STXBP4: variants seen among roughly 807,000 people sequenced by gnomAD.
STXBP4 encodes the protein syntaxin binding protein 4, also known as syntaxin-binding protein 4.
Under a neutral mutation model 76.1 loss-of-function variants are expected in STXBP4, and 55 were observed. The ratio of observed to expected loss-of-function variants is 0.72; its 90% CI spans 0.58 to 0.91. The LOEUF is 0.91. Among genes scored for constraint, STXBP4 ranks in the 40% least tolerant of loss-of-function variants. The probability of loss-of-function intolerance (pLI) is 0.00; values close to 1 mark genes in which losing one functional copy is unlikely to be tolerated. For missense variants in STXBP4, 618 were observed against 636.9 expected (o/e 0.97, Z 0.32); for synonymous variants, 201 against 220.2 (o/e 0.91, Z 0.77).
At position 55,162,076 on chromosome 17, in the gene STXBP4, C is replaced by G. The variant is rs1381907592; in HGVS notation, c.*2165C>G. On this transcript the variant is annotated 3_prime_UTR_variant, in exon 18 of 18. Coordinates refer to ENST00000376352, the MANE Select transcript of STXBP4 (RefSeq NM_178509.6). ...CCAGGAGAAAATGGAAACACTATCC[C>G]AGCAATCTGAATTCCTTACTTGGGG... 3 of 152,170 alleles carry G rather than the reference C, an allele frequency of 2.0e-5. No individual in the cohort carries two copies. The highest frequency in any genetic ancestry group is 4.4e-5 in the Non-Finnish European group (3 of 68,038). The allele number at this position is 152,170 out of a possible 1,614,324, so 9.4% of individuals were successfully genotyped here.
chr17:55,123,885 C>T (rs1300665558), intron 16 of STXBP4, among the ~76,000 whole-genome samples: 1 of 150,422 alleles, frequency 6.6e-6, no homozygotes, highest in Non-Finnish European at 1.5e-5. Flanking sequence ...GGCGACAAAG[C>T]AAGACTCAGT....
chr17:55,195,980 G>A, the STXBP4 span, among the ~76,000 whole-genome samples: 1 of 152,172 alleles, frequency 6.6e-6, no homozygotes, highest in African/African-American at 2.4e-5. Context: ...AATGCCAACA[G>A]TGTCCAGCTT....
the STXBP4 span, among the ~76,000 whole-genome samples, chr17:55,202,670 T>G: frequency 6.6e-6 from 1 of 152,108 alleles, no homozygotes; most frequent in African/African-American, 2.4e-5. Flanking sequence ...AAGATAGTCT[T>G]GAAAGGATTT....
chr17:55,208,024 A>G, the STXBP4 span, among the ~76,000 whole-genome samples: 4 of 151,208 alleles, frequency 2.6e-5, no homozygotes, highest in Admixed American at 2.0e-4. Flanking sequence ...TAAAATATTG[A>G]TAAATGCTGG....
At chr17:55,093,942 T>C (rs1330513738) in intron 16 of STXBP4, among the ~76,000 whole-genome samples, 2 of 152,044 alleles carry the variant, frequency 1.3e-5, no homozygotes, top group South Asian at 2.1e-4. Flanking sequence ...GAAAACGTAA[T>C]TGTAGACAGT....
At chr17:55,037,289 T>C (rs1027318404) in intron 10 of STXBP4, among the ~76,000 whole-genome samples, 1 of 152,154 alleles carries the variant, frequency 6.6e-6, no homozygotes, top group Non-Finnish European at 1.5e-5. Flanking sequence ...ATGCTCATTT[T>C]TGATGAGGAA....
chr17:55,069,520 C>T (rs2079097106), intron 12 of STXBP4, among the ~76,000 whole-genome samples: 3 of 152,118 alleles, frequency 2.0e-5, no homozygotes, highest in Admixed American at 6.5e-5. Flanking sequence ...TTGCTAAATA[C>T]GGCACACTGC....
At chr17:55,028,846 GA>G (rs1043282923) in intron 8 of STXBP4, among the ~76,000 whole-genome samples, 1 of 150,564 alleles carries the variant, frequency 6.6e-6, no homozygotes, top group African/African-American at 2.4e-5. Context: ...TCTCAAAAAG[GA>G]AAAAAAAGAA....
At chr17:55,068,280 T>C (rs2079077454) in intron 12 of STXBP4, among the ~76,000 whole-genome samples, 1 of 152,132 alleles carries the variant, frequency 6.6e-6, no homozygotes, top group African/African-American at 2.4e-5. Context: ...ATAGGTTACA[T>C]TGCACAAAAA....
intron 16 of STXBP4, among the ~76,000 whole-genome samples, chr17:55,117,284 C>T (rs1054255245): frequency 2.6e-5 from 4 of 151,724 alleles, no homozygotes; most frequent in African/African-American, 9.7e-5. Flanking sequence ...GAACAGCTGT[C>T]CATTTCTATT....
chr17:55,000,915 T>G (rs1206209750), intron 7 of STXBP4, 32 bp downstream of exon 7: 1 of 1,404,952 alleles, frequency 7.1e-7, no homozygotes, highest in African/African-American at 1.4e-5. Flanking sequence ...ATTTCCTGTT[T>G]TTTATTTCAA....
At position 55,066,782 on chromosome 17, in the gene STXBP4, G is replaced by T. The variant is rs76581967; in HGVS notation, c.1012-6118G>T. Among the ~76,000 whole-genome samples the T allele has an allele frequency of 5.2e-3, 790 of 152,158 alleles. 4 individuals carry two copies. Among genetic ancestry groups the T allele is most frequent in the Non-Finnish European group, 8.1e-3 (554 of 68,012 alleles). Reference sequence around the variant, plus strand: ...CCCATCACTTTCGGAGGCCGAGGTGGGTGGATGTCTTTAGATCACCTTGAA... The same window carrying T: ...CCCATCACTTTCGGAGGCCGAGGTGTGTGGATGTCTTTAGATCACCTTGAA... On this transcript the variant is annotated intron_variant, in intron 12 of 17. Transcript: ENST00000376352.
At chr17:55,149,150 T>TA (rs1326319081) in intron 17 of STXBP4, among the ~76,000 whole-genome samples, 1 of 152,222 alleles carries the variant, frequency 6.6e-6, no homozygotes, top group African/African-American at 2.4e-5. Flanking sequence ...CCCAAATACT[T>TA]CTTAGCTATG....
chr17:55,203,708 A>G, the STXBP4 span, among the ~76,000 whole-genome samples: 1 of 152,176 alleles, frequency 6.6e-6, no homozygotes, highest in Non-Finnish European at 1.5e-5. Context: ...TTATTTCACA[A>G]ACTGACCAAA....
intron 10 of STXBP4, among the ~76,000 whole-genome samples, chr17:55,042,754 T>C (rs2078725183): frequency 6.6e-6 from 1 of 152,136 alleles, no homozygotes; most frequent in Non-Finnish European, 1.5e-5. Flanking sequence ...TTTAAGCTGC[T>C]TGTCTGTTGC....
In STXBP4 at chr17:55,150,110, T is replaced by C. The variant is rs573815618; in HGVS notation, c.1547+8743T>C. On this transcript the variant is annotated intron_variant, in intron 17 of 17. Transcript: ENST00000376352. ...AATTGTCTTTGCTGCCAGGACCCTTTATTTAGATTTACTAACAAATACTTT... is the reference window on the plus strand; with the variant it reads ...AATTGTCTTTGCTGCCAGGACCCTTCATTTAGATTTACTAACAAATACTTT... Among the ~76,000 whole-genome samples, 73 of 152,328 alleles carry C rather than the reference T, an allele frequency of 4.8e-4. 1 individual carries two copies. Among genetic ancestry groups the C allele is most frequent in the African/African-American group, 1.7e-3 (72 of 41,582 alleles).
At chr17:55,033,029 A>G (rs1804374276) in intron 9 of STXBP4, among the ~76,000 whole-genome samples, 2 of 152,274 alleles carry the variant, frequency 1.3e-5, no homozygotes, top group East Asian at 1.9e-4. Context: ...CTATCAGACA[A>G]ACAGAAAAAA....
intron 16 of STXBP4, among the ~76,000 whole-genome samples, chr17:55,099,512 A>G (rs2079538010): frequency 6.6e-6 from 1 of 152,206 alleles, no homozygotes; most frequent in Non-Finnish European, 1.5e-5. Flanking sequence ...CAATTATAAC[A>G]TAATGCTAAG....
At chr17:55,134,623 A>G (rs2080008837) in intron 16 of STXBP4, among the ~76,000 whole-genome samples, 1 of 152,078 alleles carries the variant, frequency 6.6e-6, no homozygotes, top group Non-Finnish European at 1.5e-5. Flanking sequence ...CTCTACATTG[A>G]TTAAATTTAT....
Sources: gnomAD v4.1 joint callset for allele counts (sites outside exome capture counted in the v4.1 genomes callset) on GRCh38, gnomAD v4.1.1 for gene constraint, MANE v1.5 for transcripts, NCBI Gene and HGNC (gene_info 2026-07-23, HGNC 2026-07-21) for gene names.